The following HEMK2 variants were observed in gnomAD, a reference collection of about 807,000 sequenced individuals.
HEMK2 encodes the protein methyltransferase HEMK2.
At chr21:28,778,040 C>T in the HEMK2 span, among the ~76,000 whole-genome samples, 1 of 152,094 alleles carries the variant, frequency 6.6e-6, no homozygotes, top group African/African-American at 2.4e-5. Flanking sequence ...GACAAATATA[C>T]ATATTTATGG....
the HEMK2 span, among the ~76,000 whole-genome samples, chr21:28,740,450 C>G: frequency 6.6e-6 from 1 of 152,210 alleles, no homozygotes; most frequent in Non-Finnish European, 1.5e-5. Flanking sequence ...TTTCAGCCTA[C>G]TTTACAGTCC....
the HEMK2 span, chr21:28,876,381 T>A: frequency 1.9e-5 from 30 of 1,588,098 alleles, no homozygotes; most frequent in African/African-American, 3.9e-4. Context: ...GCACACACTG[T>A]ATGCTAAGAC....
At chr21:28,637,666 G>A in the HEMK2 span, among the ~76,000 whole-genome samples, 16 of 152,274 alleles carry the variant, frequency 1.1e-4, no homozygotes, top group South Asian at 2.1e-4. Context: ...GTTTCTATGC[G>A]GGGGTAGGAG....
chr21:28,885,022 TC>T, the HEMK2 span, among the ~76,000 whole-genome samples: 2 of 152,026 alleles, frequency 1.3e-5, no homozygotes, highest in Non-Finnish European at 2.9e-5. Context: ...AGGAGATGCG[TC>T]CCCGGCACAC....
chr21:28,843,901 T>A, the HEMK2 span, among the ~76,000 whole-genome samples: 1 of 152,134 alleles, frequency 6.6e-6, no homozygotes, highest in Admixed American at 6.6e-5. Context: ...TTAGTGTTTT[T>A]AAGAAATTTT....
chr21:28,638,726 A>G, the HEMK2 span, among the ~76,000 whole-genome samples: 1 of 152,094 alleles, frequency 6.6e-6, no homozygotes, highest in Non-Finnish European at 1.5e-5. Flanking sequence ...TGGCAGCTAG[A>G]TGATCCAGGC....
At chr21:28,874,145 T>C in the HEMK2 span, 16 of 152,210 alleles carry the variant, frequency 1.1e-4, no homozygotes, top group Non-Finnish European at 7.3e-5. Flanking sequence ...TGATTCAAGA[T>C]AGTAGGGAAC....
At chr21:28,857,090 T>C in the HEMK2 span, among the ~76,000 whole-genome samples, 1 of 152,332 alleles carries the variant, frequency 6.6e-6, no homozygotes, top group Non-Finnish European at 1.5e-5. Flanking sequence ...TTGCCCAAGA[T>C]GACCATGTGT....
At chr21:28,837,339 A>T in the HEMK2 span, among the ~76,000 whole-genome samples, 1 of 152,214 alleles carries the variant, frequency 6.6e-6, no homozygotes, top group Non-Finnish European at 1.5e-5. Context: ...AAATTATATC[A>T]AGCACTCTCT....
chr21:28,825,760 G>A, the HEMK2 span, among the ~76,000 whole-genome samples: 1 of 152,184 alleles, frequency 6.6e-6, no homozygotes, highest in Non-Finnish European at 1.5e-5. Flanking sequence ...CATAAAAGTT[G>A]GGTGACCAAC....
the HEMK2 span, among the ~76,000 whole-genome samples, chr21:28,750,098 G>C: frequency 8.5e-5 from 13 of 152,286 alleles, no homozygotes; most frequent in African/African-American, 3.1e-4. Flanking sequence ...AATACACAGA[G>C]AGTAGACTAA....
chr21:28,657,390 T>C, the HEMK2 span, among the ~76,000 whole-genome samples: 2 of 152,092 alleles, frequency 1.3e-5, no homozygotes, highest in Non-Finnish European at 2.9e-5. Flanking sequence ...TTTACCTAAA[T>C]TATGCCAAGA....
At chr21:28,853,839 G>C in the HEMK2 span, among the ~76,000 whole-genome samples, 1 of 152,152 alleles carries the variant, frequency 6.6e-6, no homozygotes, top group Admixed American at 6.5e-5. Flanking sequence ...GCTTCATCAG[G>C]GTCCTCTCAC....
At chr21:28,592,841 C>T in the HEMK2 span, among the ~76,000 whole-genome samples, 3 of 152,032 alleles carry the variant, frequency 2.0e-5, no homozygotes, top group Non-Finnish European at 2.9e-5. Flanking sequence ...AAGGACATGT[C>T]GTATTTTTTA....
the HEMK2 span, among the ~76,000 whole-genome samples, chr21:28,744,985 T>C: frequency 6.6e-6 from 1 of 152,194 alleles, no homozygotes; most frequent in Non-Finnish European, 1.5e-5. Context: ...ATAAAATGTG[T>C]AGAGTCACAG....
chr21:28,698,988 G>T, the HEMK2 span, among the ~76,000 whole-genome samples: 2 of 152,068 alleles, frequency 1.3e-5, no homozygotes, highest in African/African-American at 4.8e-5. Flanking sequence ...TTCTTTATAA[G>T]ATCAACCAAA....
chr21:28,713,464 G>A, the HEMK2 span, among the ~76,000 whole-genome samples: 40 of 152,210 alleles, frequency 2.6e-4, no homozygotes, highest in Admixed American at 2.6e-3. Context: ...CATTCTTGAT[G>A]CTCCAGCCAC....
At chr21:28,673,283 GA>G in the HEMK2 span, among the ~76,000 whole-genome samples, 1 of 152,098 alleles carries the variant, frequency 6.6e-6, no homozygotes, top group Admixed American at 6.6e-5. Flanking sequence ...TCATTCAAAT[GA>G]ATCATTCATA....
chr21:28,868,072 C>CTA, the HEMK2 span, among the ~76,000 whole-genome samples: 1 of 152,080 alleles, frequency 6.6e-6, no homozygotes, highest in Non-Finnish European at 1.5e-5. Flanking sequence ...ATACACATTT[C>CTA]TATATATGTA....
Sources: gnomAD v4.1 joint callset for allele counts (sites outside exome capture counted in the v4.1 genomes callset) on GRCh38, gnomAD v4.1.1 for gene constraint, MANE v1.5 for transcripts, NCBI Gene and HGNC (gene_info 2026-07-23, HGNC 2026-07-21) for gene names.